Variants in POLN observed in about 807,000 individuals in gnomAD.
POLN encodes DNA polymerase N.
POLN carries 108 observed loss-of-function variants against 113.5 expected under a neutral mutation model. That is an observed-to-expected ratio of 0.95 (90% confidence interval 0.81 to 1.12). The LOEUF (loss-of-function observed/expected upper bound fraction) is 1.12, where lower values mean the gene tolerates loss of function less well. POLN is among the 50% of genes most tolerant of loss of function. The pLI, the probability that POLN is intolerant of heterozygous loss-of-function variation, is 0.00. For missense variants in POLN, 1,097 were observed against 1,077.1 expected (o/e 1.02, Z -0.26); for synonymous variants, 386 against 391.5 (o/e 0.99, Z 0.17).
chr4:2,118,881 T>C (rs1001666915), intron 19 of POLN, among the ~76,000 whole-genome samples: 3 of 152,222 alleles, frequency 2.0e-5, no homozygotes, highest in Non-Finnish European at 4.4e-5. Flanking sequence ...TCAAAAATTT[T>C]ACCAGCAGTT....
At chr4:2,099,625 G>A (rs1730876414) in intron 19 of POLN, among the ~76,000 whole-genome samples, 1 of 152,216 alleles carries the variant, frequency 6.6e-6, no homozygotes, top group Non-Finnish European at 1.5e-5. Flanking sequence ...GGGTCCTGGA[G>A]CAGAAAGGGG....
At chr4:2,197,795 T>C (rs1370525067) in intron 6 of POLN, among the ~76,000 whole-genome samples, 1 of 152,220 alleles carries the variant, frequency 6.6e-6, no homozygotes, top group Non-Finnish European at 1.5e-5. Flanking sequence ...GACAGGCTAG[T>C]AACGGGGCCC....
chr4:2,100,653 GAACA>G (rs1730900902), intron 19 of POLN, among the ~76,000 whole-genome samples: 1 of 152,066 alleles, frequency 6.6e-6, no homozygotes, highest in African/African-American at 2.4e-5. Context: ...AACCAAATGA[GAACA>G]GTCAGGCCAA....
intron 9 of POLN, among the ~76,000 whole-genome samples, chr4:2,175,163 C>T (rs1732965300): frequency 6.6e-6 from 1 of 152,094 alleles, no homozygotes. Flanking sequence ...TAAGGTGACC[C>T]CTATCATGGG....
intron 23 of POLN, chr4:2,078,534 G>A (rs145052973): frequency 1.1e-5 from 10 of 938,556 alleles, no homozygotes; most frequent in East Asian, 1.2e-4. Context: ...GAAGTGGTGC[G>A]ATCTCAGCTC....
At chr4:2,207,445 A>G (rs1182619609) in intron 5 of POLN, among the ~76,000 whole-genome samples, 1 of 151,450 alleles carries the variant, frequency 6.6e-6, no homozygotes, top group African/African-American at 2.4e-5. Flanking sequence ...GACACCCTCA[A>G]TAATTTTTTT....
At chr4:2,134,562 A>G (rs953625394) in intron 16 of POLN, among the ~76,000 whole-genome samples, 1 of 152,154 alleles carries the variant, frequency 6.6e-6, no homozygotes, top group East Asian at 1.9e-4. Flanking sequence ...TAGTCGTTCT[A>G]ATAGGTATGT....
intron 8 of POLN, among the ~76,000 whole-genome samples, chr4:2,177,802 G>C (rs1339998643): frequency 6.6e-6 from 1 of 152,210 alleles, no homozygotes; most frequent in African/African-American, 2.4e-5. Flanking sequence ...GGCCTCCCTG[G>C]TGGGGTGTAG....
At chr4:2,103,013 G>T (rs926353223) in intron 19 of POLN, among the ~76,000 whole-genome samples, 1 of 152,112 alleles carries the variant, frequency 6.6e-6, no homozygotes, top group Non-Finnish European at 1.5e-5. Context: ...ACATGAAAAA[G>T]CAAGGTAGTA....
intron 3 of POLN, among the ~76,000 whole-genome samples, chr4:2,222,612 C>T (rs1022244022): frequency 1.1e-4 from 16 of 152,020 alleles, no homozygotes; most frequent in African/African-American, 3.1e-4. Flanking sequence ...CTTGGGTCTA[C>T]GGCTACAGGC....
chr4:2,224,851 T>A (rs1734344207), intron 3 of POLN, among the ~76,000 whole-genome samples: 1 of 151,962 alleles, frequency 6.6e-6, no homozygotes, highest in South Asian at 2.1e-4. Flanking sequence ...CTCAGGAGGC[T>A]GAGACAGGAA....
At chr4:2,081,456 C>G in intron 22 of POLN, 177 bp downstream of exon 22, 1 of 667,058 alleles carries the variant, frequency 1.5e-6, no homozygotes, top group Non-Finnish European at 2.6e-6. Flanking sequence ...ACCGTGTCCC[C>G]TCATGCCTCC....
intron 16 of POLN, among the ~76,000 whole-genome samples, chr4:2,147,784 A>T (rs1227182191): frequency 6.6e-6 from 1 of 151,978 alleles, no homozygotes; most frequent in Non-Finnish European, 1.5e-5. Context: ...CTGGGACTAC[A>T]GGTGCACACC....
At chr4:2,176,190 C>A in intron 9 of POLN, 76 bp downstream of exon 9, 1 of 1,196,996 alleles carries the variant, frequency 8.4e-7, no homozygotes, top group Non-Finnish European at 1.2e-6. Context: ...TTCAAACTCC[C>A]TGGGAGTGCG....
intron 23 of POLN, chr4:2,076,866 C>G (rs1408194333): frequency 6.6e-6 from 1 of 152,504 alleles, no homozygotes; most frequent in Non-Finnish European, 1.5e-5. Context: ...CGCCCTTCCT[C>G]TCTTTCTTCA....
intron 7 of POLN, among the ~76,000 whole-genome samples, chr4:2,188,921 ATTTG>A (rs977972720): frequency 7.2e-5 from 11 of 152,112 alleles, no homozygotes; most frequent in African/African-American, 2.4e-4. Context: ...TTTTTCCTTT[ATTTG>A]TTTGTTTCTA....
intron 16 of POLN, among the ~76,000 whole-genome samples, chr4:2,149,832 C>G (rs770667026): frequency 2.0e-5 from 3 of 151,572 alleles, no homozygotes; most frequent in Non-Finnish European, 4.4e-5. Context: ...ACCTGTAATC[C>G]TAGCACTTTG....
intron 23 of POLN, chr4:2,078,475 T>TC: frequency 6.8e-6 from 3 of 444,222 alleles, no homozygotes; most frequent in Non-Finnish European, 8.9e-6. Context: ...TTCTTCTTCT[T>TC]TTTTTTTTTT....
At chr4:2,135,924 C>T (rs753289952) in intron 16 of POLN, among the ~76,000 whole-genome samples, 16 of 152,254 alleles carry the variant, frequency 1.1e-4, no homozygotes, top group Non-Finnish European at 7.3e-5. Flanking sequence ...AGGGGCTAGA[C>T]TCCCCATTAC....
Sources: allele counts gnomAD v4.1 joint callset (sites outside exome capture counted in the v4.1 genomes callset), GRCh38; gene constraint gnomAD v4.1.1; transcripts MANE v1.5; gene names NCBI Gene and HGNC (gene_info 2026-07-23, HGNC 2026-07-21).